The following STIP1 variants were observed in gnomAD, a reference collection of about 807,000 sequenced individuals.
The protein encoded by STIP1 is stress-induced-phosphoprotein 1.
STIP1 carries 16 observed loss-of-function variants against 77.4 expected under a neutral mutation model. The observed-to-expected ratio is 0.21, with a 90% confidence interval of 0.14 to 0.31. The LOEUF (loss-of-function observed/expected upper bound fraction) is 0.31, where lower values mean the gene tolerates loss of function less well. STIP1 is among the 10% of genes least tolerant of loss of function. STIP1 has a pLI of 1.00. For synonymous variants in STIP1, 258 were observed against 246.6 expected (o/e 1.05, Z -0.44); for missense variants, 524 against 684.8 (o/e 0.77, Z 2.62).
intron 8 of STIP1, 72 bp downstream of exon 8, chr11:64,198,046 TTAA>T: frequency 6.5e-7 from 1 of 1,535,986 alleles, no homozygotes; most frequent in Non-Finnish European, 8.7e-7. Flanking sequence ...ACTGTTTTAT[TTAA>T]TAATGAACTT....
In STIP1 at chr11:64,200,188, G is replaced by A. The variant is rs1946201763; in HGVS notation, c.1140G>A (p.Met380Ile). 1 of 1,613,526 alleles carries A rather than the reference G, an allele frequency of 6.2e-7. No homozygotes were observed. The highest frequency in any genetic ancestry group is 1.1e-5 in the South Asian group (1 of 91,032). ...CCCCAGGGGACTATCCCCAGGCCAT[G>A]AAGCATTATACAGAAGCCATCAAAA... ...CFQKGDYPQA[M>I]KHYTEAIKRN... The change falls in exon 10 of 14, where the codon ATG becomes ATA. Residue 380 changes from methionine to isoleucine, a missense_variant. Coordinates refer to ENST00000305218, the MANE Select transcript of STIP1 (RefSeq NM_006819.3).
Position 64,197,947 on chromosome 11 carries a change from C to T in STIP1, c.996C>T (p.Thr332=), listed in dbSNP as rs375422757. ...ACAAGTCTCTGGCAGAGCACCGAAC[C>T]CCAGATGTGCTCAAGAAATGCCAGC... The part of the protein sequence containing the change: ...FYNKSLAEHR[T]PDVLKKCQQA... The change falls in exon 8 of 14, where the codon ACC becomes ACT. Residue 332 remains threonine, a synonymous_variant. Transcript: ENST00000305218. 6.2e-7 allele frequency: 1 copy of T among 1,613,442 alleles called. No individual in the cohort carries two copies. The highest frequency in any genetic ancestry group is 8.5e-7 in the Non-Finnish European group (1 of 1,179,814).
chr11:64,192,669 C>T (rs370688511), intron 1 of STIP1, among the ~76,000 whole-genome samples: 7 of 152,204 alleles, frequency 4.6e-5, no homozygotes, highest in South Asian at 2.1e-4. Flanking sequence ...AGTGCCACTC[C>T]GCCCACCTTC....
rs984332916 is a variant in STIP1, at chr11:64,196,486, A to G, written c.672+673A>G. ...TGCGGGAGTTGCCCTTCCCGTGGTC[A>G]CCACAGCGGCTTCATTGCTGCCAGT... On this transcript the variant is annotated intron_variant, in intron 5 of 13. Transcript: ENST00000305218. 2.0e-5 allele frequency among the ~76,000 whole-genome samples: 3 copies of G among 151,350 alleles called. 1 individual carries two copies. The highest frequency in any genetic ancestry group is 4.4e-5 in the Non-Finnish European group (3 of 67,952).
chr11:64,191,178 ACT>A (rs924162194), intron 1 of STIP1, among the ~76,000 whole-genome samples: 1 of 143,404 alleles, frequency 7.0e-6, no homozygotes, highest in African/African-American at 2.6e-5. Context: ...CCAGAGTGAA[ACT>A]CTGTCTCAAA....
intron 5 of STIP1, chr11:64,196,913 A>G (rs1402473541): frequency 4.5e-6 from 1 of 221,576 alleles, no homozygotes; most frequent in Non-Finnish European, 9.1e-6. Flanking sequence ...CAACCACAAG[A>G]CTGACACCAG....
intron 1 of STIP1, among the ~76,000 whole-genome samples, chr11:64,192,040 C>T (rs903786888): frequency 3.9e-5 from 6 of 152,052 alleles, no homozygotes; most frequent in East Asian, 1.9e-4. Flanking sequence ...CCACCGGGCG[C>T]GGTGGCTCAC....
chr11:64,186,321 G>GGGT, intron 1 of STIP1, 51 bp downstream of exon 1: 1 of 1,476,188 alleles, frequency 6.8e-7, no homozygotes, highest in Non-Finnish European at 9.0e-7. Flanking sequence ...GGGACCGGCG[G>GGGT]TGGCCAGGCC....
chr11:64,194,429 A>G lies in STIP1; in HGVS notation c.362-50A>G, dbSNP rs747320240. ...AGTCTGGTAGGGTATGGGACACAGTAATTCTAGTGAACTCATTTCATAGTG... is the reference window on the plus strand; with the variant it reads ...AGTCTGGTAGGGTATGGGACACAGTGATTCTAGTGAACTCATTTCATAGTG... On this transcript the variant is annotated intron_variant, in intron 3 of 13. Transcript: ENST00000305218. 1.9e-6 allele frequency: 3 copies of G among 1,612,476 alleles called. No individual in the cohort carries two copies. The South Asian group carries it at 3.3e-5, about 18-fold the overall frequency.
intron 5 of STIP1, among the ~76,000 whole-genome samples, chr11:64,196,117 C>T (rs1035558642): frequency 1.3e-5 from 2 of 152,084 alleles, no homozygotes; most frequent in Non-Finnish European, 2.9e-5. Context: ...AGCTTCAGGC[C>T]AGGCACGGTG....
Position 64,194,484 on chromosome 11 carries a change from A to C in STIP1, c.367A>C (p.Lys123Gln), listed in dbSNP as rs1400367402. 1.2e-6 allele frequency: 2 copies of C among 1,614,032 alleles called. No individual in the cohort carries two copies. ...GCTTTCCTTTATTTGGACAGAGAGA[A>C]AATTCATGAACCCTTTCAACATGCC... ...QNMEARLAER[K>Q]FMNPFNMPNL... The change falls in exon 4 of 14, where the codon AAA becomes CAA. Residue 123 changes from lysine (K) to glutamine (Q), a missense_variant. Lys to Gln is a moderately conservative substitution (Grantham distance 53). Coordinates refer to ENST00000305218, the MANE Select transcript of STIP1 (RefSeq NM_006819.3).
At chr11:64,186,964 T>C (rs1946029346) in intron 1 of STIP1, among the ~76,000 whole-genome samples, 1 of 152,136 alleles carries the variant, frequency 6.6e-6, no homozygotes, top group Admixed American at 6.6e-5. Flanking sequence ...TTTACAAATG[T>C]ATTGCGGCCC....
Position 64,200,363 on chromosome 11 carries a change from CTCA to C in STIP1, c.1245+74_1245+76del, listed in dbSNP as rs371349179. 227 of 1,539,886 alleles carry C rather than the reference CTCA, an allele frequency of 1.5e-4. 3 individuals are homozygous for C. In the South Asian group the frequency reaches 2.7e-3, roughly 18 times the overall value. On this transcript the variant is annotated intron_variant, in intron 10 of 13. Transcript: ENST00000305218. Reference sequence around the variant, plus strand: ...GAGGAGTGGGTTTTCTCTCTCTCTCCTCATCAACATTGAGTTGATGATGATCAT... The same window carrying C: ...GAGGAGTGGGTTTTCTCTCTCTCTCCTCAACATTGAGTTGATGATGATCAT...
chr11:64,185,688 T>G, upstream of STIP1: 1 of 1,235,618 alleles, frequency 8.1e-7, no homozygotes, highest in Non-Finnish European at 1.1e-6. Context: ...AGACCCCGAC[T>G]GCAGCCGGTA....
intron 1 of STIP1, 44 bp downstream of exon 1, chr11:64,186,314 A>C: frequency 2.1e-5 from 7 of 338,842 alleles, no homozygotes; most frequent in South Asian, 7.6e-5. Context: ...CTGCTCGGGG[A>C]CCGGCGGTGG....
At chr11:64,194,763 G>A (rs1411998530) in intron 4 of STIP1, 143 bp downstream of exon 4, 38 of 1,072,052 alleles carry the variant, frequency 3.5e-5, no homozygotes, top group Admixed American at 1.8e-4. Flanking sequence ...GGTGGTGGTC[G>A]TTTATTTGTA....
intron 4 of STIP1, among the ~76,000 whole-genome samples, chr11:64,194,881 CCA>C (rs1946131373): frequency 4.6e-5 from 7 of 152,158 alleles, no homozygotes; most frequent in Admixed American, 4.6e-4. Context: ...AGCGTCAACC[CCA>C]TCCTTTCCAT....
chr11:64,186,394 G>A (rs1169536072), intron 1 of STIP1, 124 bp downstream of exon 1: 2 of 1,109,682 alleles, frequency 1.8e-6, no homozygotes, highest in Non-Finnish European at 2.3e-6. Context: ...GGGGCCGGAC[G>A]GGGCGGCGGC....
At chr11:64,185,626 A>T, upstream of STIP1, 1 of 659,114 alleles carries the variant, frequency 1.5e-6, no homozygotes, top group Non-Finnish European at 2.5e-6. Flanking sequence ...GGCACTCGGG[A>T]GCGAGAGGGA....
Sources: allele counts gnomAD v4.1 joint callset (sites outside exome capture counted in the v4.1 genomes callset), GRCh38; gene constraint gnomAD v4.1.1; transcripts MANE v1.5; gene names NCBI Gene and HGNC (gene_info 2026-07-23, HGNC 2026-07-21).